Variants in SEPTIN5 observed in about 807,000 individuals in gnomAD.
SEPTIN5 encodes septin 5.
In SEPTIN5, 16 loss-of-function variants were observed where a neutral mutation model predicts 51.2. The observed-to-expected ratio is 0.31, with a 90% CI of 0.21 to 0.47. The LOEUF is 0.47. Ranked by LOEUF, SEPTIN5 falls within the 20% of genes least tolerant of loss-of-function variation. The probability of loss-of-function intolerance (pLI) is 0.99; values close to 1 mark genes in which losing one functional copy is unlikely to be tolerated. For missense variants in SEPTIN5, 376 were observed against 500.3 expected (o/e 0.75, Z 2.37); for synonymous variants, 208 against 191.2 (o/e 1.09, Z -0.72).
chr22:19,721,538 G>A (rs1231889795), intron 8 of SEPTIN5, 102 bp from the exon 9 acceptor site: 1 of 1,225,498 alleles, frequency 8.2e-7, no homozygotes, highest in East Asian at 2.4e-5. Flanking sequence ...GATAGTTGAT[G>A]GTGATGCTGG....
At chr22:19,715,208 T>G (rs898322105) in intron 2 of SEPTIN5, among the ~76,000 whole-genome samples, 3 of 152,238 alleles carry the variant, frequency 2.0e-5, no homozygotes, top group African/African-American at 7.2e-5. Context: ...GCAGAGGGCC[T>G]GTGGTCACCA....
In SEPTIN5 at chr22:19,714,901, C is replaced by G. The variant is rs1286007879; in HGVS notation, c.54+110C>G. ...GACCCCGCCCCCGCCGGCCCTCACC[C>G]AGCCCTGTCGCGATCACCGATTGTC... On this transcript the variant is annotated intron_variant, in intron 2 of 11. Transcript: ENST00000455784. The surrounding 1 kb of genome is among the most constrained non-coding windows in gnomAD (Gnocchi z 5.2). 7.3e-7 allele frequency: 1 copy of G among 1,372,050 alleles called. No homozygotes were observed. The highest frequency in any genetic ancestry group is 2.6e-5 in the East Asian group (1 of 38,516). 85.0% of individuals were successfully genotyped at this position (1,372,050 alleles called of 1,614,324 possible).
intron 2 of SEPTIN5, chr22:19,717,468 G>A (rs1568994793): frequency 2.5e-6 from 1 of 406,884 alleles, no homozygotes; most frequent in South Asian, 1.9e-5. Flanking sequence ...AGAGGGCAAG[G>A]GAATGTCCAC....
chr22:19,715,506 G>A (rs998369217), intron 2 of SEPTIN5, among the ~76,000 whole-genome samples: 4 of 152,230 alleles, frequency 2.6e-5, no homozygotes, highest in South Asian at 2.1e-4. Flanking sequence ...GGCCCCTGGG[G>A]TGGGGCGGGG....
At chr22:19,716,673 C>T (rs1047097381) in intron 2 of SEPTIN5, among the ~76,000 whole-genome samples, 3 of 152,180 alleles carry the variant, frequency 2.0e-5, no homozygotes, top group Admixed American at 6.5e-5. Flanking sequence ...GTGGGTTGAA[C>T]GCTGAGAGTG....
In SEPTIN5 at chr22:19,722,079, C is replaced by G. The variant is rs544060062; in HGVS notation, c.950+122C>G. The G allele has an allele frequency of 4.7e-4, 617 of 1,311,708 alleles. 2 individuals carry two copies. The highest frequency in any genetic ancestry group is 2.3e-3 in the South Asian group (160 of 70,068). The allele number at this position is 1,311,708 out of a possible 1,614,324, so 81.3% of individuals were successfully genotyped here. ...TTTGCACCATTCCCTAAGCCCCCCCCCTCCCCCAGAGCCTGGTCTCCCTAG... is the reference window on the plus strand; with the variant it reads ...TTTGCACCATTCCCTAAGCCCCCCCGCTCCCCCAGAGCCTGGTCTCCCTAG... On this transcript the variant is annotated intron_variant, in intron 10 of 11. Transcript: ENST00000455784.
In SEPTIN5 at chr22:19,722,424, G is replaced by T. The variant is rs756535684; in HGVS notation, c.1054-4G>T. ...CTCACCCGCCGGGTTGTCTCCGCCC[G>T]CAGCTGAGGCGCATGCAGGAGATGC... is the stretch of plus-strand genomic sequence containing the variant. On this transcript the variant is annotated splice_polypyrimidine_tract_variant and splice_region_variant and intron_variant, in intron 11 of 11. Transcript: ENST00000455784. 1 of 1,600,682 alleles carries T rather than the reference G, an allele frequency of 6.2e-7. No individual in the cohort carries two copies. The highest frequency in any genetic ancestry group is 8.5e-7 in the Non-Finnish European group (1 of 1,173,976).
At chr22:19,717,573 C>G (rs1026699220) in intron 2 of SEPTIN5, 10 of 313,732 alleles carry the variant, frequency 3.2e-5, no homozygotes, top group Non-Finnish European at 5.0e-5. Flanking sequence ...GGGTGGCCGG[C>G]GTTTATTCAG....
At chr22:19,722,210 G>GC in intron 10 of SEPTIN5, 27 bp from the exon 11 acceptor site, 5 of 901,822 alleles carry the variant, frequency 5.5e-6, no homozygotes, top group Non-Finnish European at 8.5e-6. Flanking sequence ...GCGCCGCCCC[G>GC]CCCATCCTCC....
chr22:19,721,768 G>A lies in SEPTIN5; in HGVS notation c.814+32G>A, dbSNP rs1237426062. ...AGAGTCTTGGGGTACCAGGTCTGGT[G>A]GGGGAAGGCTGTCCTGGGCCGGCGC... is the stretch of plus-strand genomic sequence containing the variant. On this transcript the variant is annotated intron_variant, in intron 9 of 11. Coordinates refer to ENST00000455784, the MANE Select transcript of SEPTIN5 (RefSeq NM_002688.6). The A allele has an allele frequency of 1.9e-6, 3 of 1,601,054 alleles. No homozygotes were observed. The African/African-American group carries it at 4.0e-5, about 21-fold the overall frequency.
At chr22:19,718,728 G>A in intron 2 of SEPTIN5, 2 of 1,245,280 alleles carry the variant, frequency 1.6e-6, no homozygotes, top group Non-Finnish European at 1.0e-6. Context: ...GGCCTGGGGG[G>A]GTCGCCGCGA....
rs1258149877 is a variant in SEPTIN5 at position 19,721,683 on chromosome 22, A to G, written c.761A>G (p.Glu254Gly). ...FAVIGSNTVV[E>G]AKGQRVRGRL... ...GTTATAGGCAGCAACACGGTGGTGG[A>G]GGCCAAGGGGCAGCGGGTCCGGGGC... Residue 254 changes from glutamate (E) to glycine (G), a missense_variant, in exon 9 of 12, where the codon GAG becomes GGG. By Grantham distance (98) the Glu-to-Gly change is moderately conservative. This residue lies in a region of SEPTIN5 where 287 missense variants were observed against 417.1 expected (regional missense o/e 0.69). Transcript: ENST00000455784. The G allele has an allele frequency of 6.2e-6, 10 of 1,612,572 alleles. No individual in the cohort carries two copies. The highest frequency in any genetic ancestry group is 8.5e-6 in the Non-Finnish European group (10 of 1,179,650).
intron 2 of SEPTIN5, chr22:19,717,323 A>G (rs768965870): frequency 2.5e-5 from 12 of 470,682 alleles, no homozygotes; most frequent in South Asian, 1.9e-4. Flanking sequence ...TACTGGGGTC[A>G]TGGAGGTGGG....
Position 19,719,822 on chromosome 22 carries a change from G to T in SEPTIN5, c.168G>T (p.Gly56=). 6.2e-7 allele frequency: 1 copy of T among 1,613,082 alleles called. No homozygotes were observed. The part of the protein sequence containing the change: ...TLMVAGESGL[G]KSTLVHSLFL... ...TGTGTGCAGGTGAGTCAGGCCTGGG[G>T]AAGTCCACACTGGTCCACAGCCTCT... is the stretch of plus-strand genomic sequence containing the variant. Residue 56 remains glycine, a synonymous_variant, in exon 4 of 12, where the codon GGG becomes GGT. Coordinates refer to ENST00000455784, the MANE Select transcript of SEPTIN5 (RefSeq NM_002688.6).
In SEPTIN5 at chr22:19,719,578, T is replaced by C. The variant is rs1462969718; in HGVS notation, c.55-24T>C. 2.5e-6 allele frequency: 4 copies of C among 1,596,486 alleles called. No individual in the cohort carries two copies. The East Asian group carries it at 9.0e-5, about 36-fold the overall frequency. ...GCTTCTGGAGAAACCTTTGTGTCCC[T>C]ACCCTGTTCCATCCTGTCCCCAGGA... On this transcript the variant is annotated intron_variant, in intron 2 of 11. Coordinates refer to ENST00000455784, the MANE Select transcript of SEPTIN5 (RefSeq NM_002688.6).
rs776981265 is a variant in SEPTIN5, at chr22:19,721,899, G to A, written c.892G>A (p.Val298Met). ...IRTHMHDLKD[V>M]TCDVHYENYR... is the part of the protein sequence containing the mutation. ...CACGCATATGCACGACCTCAAGGACGTGACGTGCGACGTGCACTACGAGAA... is the reference window on the plus strand; with the variant it reads ...CACGCATATGCACGACCTCAAGGACATGACGTGCGACGTGCACTACGAGAA... The change falls in exon 10 of 12, where the codon GTG becomes ATG. Residue 298 changes from valine to methionine, a missense_variant. Physicochemically the swap from Val to Met is conservative, Grantham distance 21. Transcript: ENST00000455784. 33 of 1,611,912 alleles carry A rather than the reference G, an allele frequency of 2.0e-5. No individual in the cohort carries two copies. Among genetic ancestry groups the A allele is most frequent in the Non-Finnish European group, 2.6e-5 (31 of 1,179,534 alleles).
rs776981265 is a variant in SEPTIN5 at position 19,721,899 on chromosome 22, G to C, written c.892G>C (p.Val298Leu). ...CACGCATATGCACGACCTCAAGGAC[G>C]TGACGTGCGACGTGCACTACGAGAA... is the stretch of plus-strand genomic sequence containing the variant. ...IRTHMHDLKD[V>L]TCDVHYENYR... Residue 298 changes from valine to leucine, a missense_variant, in exon 10 of 12, where the codon GTG becomes CTG. By Grantham distance (32) the Val-to-Leu change is conservative. This residue lies in a region of SEPTIN5 where 287 missense variants were observed against 417.1 expected (regional missense o/e 0.69). Coordinates refer to ENST00000455784, the MANE Select transcript of SEPTIN5 (RefSeq NM_002688.6). 6.2e-7 allele frequency: 1 copy of C among 1,612,030 alleles called. No individual in the cohort carries two copies. Among genetic ancestry groups the C allele is most frequent in the Non-Finnish European group, 8.5e-7 (1 of 1,179,526 alleles).
chr22:19,718,630 C>G (rs1319038808), intron 2 of SEPTIN5: 3 of 1,265,050 alleles, frequency 2.4e-6, no homozygotes, highest in Non-Finnish European at 2.0e-6. Flanking sequence ...GGGTGGACAA[C>G]GCAGCCTAAG....
chr22:19,718,992 C>CCT, intron 2 of SEPTIN5: 1 of 607,504 alleles, frequency 1.6e-6, no homozygotes, highest in Non-Finnish European at 2.4e-6. Context: ...CCTGTCCAGG[C>CCT]CTCACCTCAC....
Sources: allele counts gnomAD v4.1 joint callset (sites outside exome capture counted in the v4.1 genomes callset), GRCh38; gene constraint gnomAD v4.1.1; regional missense constraint gnomAD v4.1.1; non-coding constraint Gnocchi (gnomAD v3.1); transcripts MANE v1.5; gene names NCBI Gene and HGNC (gene_info 2026-07-23, HGNC 2026-07-21).